Variants in SHOC2 observed in about 807,000 individuals in gnomAD.
The protein encoded by SHOC2 is SHOC2 leucine rich repeat scaffold protein.
In SHOC2, 4 loss-of-function variants were observed where a neutral mutation model predicts 50.2. The ratio of observed to expected loss-of-function variants is 0.08; its 90% confidence interval spans 0.04 to 0.18. SHOC2 has a LOEUF of 0.18. Among genes scored for constraint, SHOC2 ranks in the 10% least tolerant of loss-of-function variants. The probability of loss-of-function intolerance (pLI) is 1.00; values close to 1 mark genes in which losing one functional copy is unlikely to be tolerated. For synonymous variants in SHOC2, 218 were observed against 244.5 expected (o/e 0.89, Z 1.01); for missense variants, 388 against 669.6 (o/e 0.58, Z 4.64).
At chr10:110,970,727 ATGT>A (rs985560709) in intron 2 of SHOC2, among the ~76,000 whole-genome samples, 27 of 27,482 alleles carry the variant, frequency 9.8e-4, no homozygotes, top group Middle Eastern at 0.042. Context: ...TGTTGTGATG[ATGT>A]TTTTTTTTTT....
chr10:110,952,106 A>G (rs1300031754), intron 1 of SHOC2, among the ~76,000 whole-genome samples: 1 of 151,308 alleles, frequency 6.6e-6, no homozygotes, highest in Non-Finnish European at 1.5e-5. Context: ...CACACTAGTT[A>G]ACCTTAATTT....
intron 3 of SHOC2, among the ~76,000 whole-genome samples, chr10:110,994,913 C>A (rs1490539932): frequency 6.6e-6 from 1 of 152,106 alleles, no homozygotes; most frequent in Non-Finnish European, 1.5e-5. Flanking sequence ...TTGGGTATCC[C>A]AGAAAAATTC....
At chr10:110,978,515 A>G (rs141084984) in intron 2 of SHOC2, among the ~76,000 whole-genome samples, 7 of 152,236 alleles carry the variant, frequency 4.6e-5, no homozygotes, top group Non-Finnish European at 8.8e-5. Flanking sequence ...TTACTCTCCT[A>G]TGTTATAGCC....
chr10:110,942,660 T>C (rs548850180), intron 1 of SHOC2, among the ~76,000 whole-genome samples: 1 of 152,344 alleles, frequency 6.6e-6, no homozygotes, highest in Admixed American at 6.5e-5. Context: ...AACATCCTCT[T>C]GGTCTACTCG....
In SHOC2 at chr10:111,013,306, T is replaced by G. The variant is rs971773144; in HGVS notation, c.*1488T>G. 4 of 123,294 alleles carry G rather than the reference T, an allele frequency of 3.2e-5. No individual in the cohort carries two copies. Among genetic ancestry groups the G allele is most frequent in the South Asian group, 2.2e-4 (1 of 4,454 alleles). 7.6% of individuals were successfully genotyped at this position (123,294 alleles called of 1,614,324 possible). A position where few individuals can be genotyped will look rare whatever the true frequency, so the allele number is the denominator to read the frequency against. On this transcript the variant is annotated 3_prime_UTR_variant, in exon 9 of 9. Transcript: ENST00000369452. ...ATAATTACATATTGCTGCTTGTGTG[T>G]TTTTTTTTTTTTCCATTTAGTTGGG... is the stretch of plus-strand genomic sequence containing the variant.
At chr10:110,987,903 G>A (rs1029059085) in intron 3 of SHOC2, among the ~76,000 whole-genome samples, 3 of 151,982 alleles carry the variant, frequency 2.0e-5, no homozygotes, top group African/African-American at 7.2e-5. Context: ...ATGATCTCTA[G>A]GATAAATTAA....
At chr10:110,950,746 G>A (rs1303219216) in intron 1 of SHOC2, among the ~76,000 whole-genome samples, 2 of 152,086 alleles carry the variant, frequency 1.3e-5, no homozygotes, top group African/African-American at 4.8e-5. Flanking sequence ...AAGATGTTAA[G>A]AACACAGAAT....
At chr10:110,963,098 G>T (rs575351664) in intron 1 of SHOC2, among the ~76,000 whole-genome samples, 87 of 152,218 alleles carry the variant, frequency 5.7e-4, no homozygotes, top group Non-Finnish European at 1.1e-3. Context: ...CAGGTAAGAA[G>T]TTATTTTATC....
chr10:110,932,740 T>C (rs1846919233), intron 1 of SHOC2, among the ~76,000 whole-genome samples: 2 of 152,184 alleles, frequency 1.3e-5, no homozygotes, highest in Admixed American at 1.3e-4. Context: ...TTACTCGACT[T>C]TTTTCTTGCT....
intron 1 of SHOC2, among the ~76,000 whole-genome samples, chr10:110,936,094 GA>G (rs1244367779): frequency 1.4e-5 from 2 of 143,916 alleles, no homozygotes; most frequent in Admixed American, 6.9e-5. Flanking sequence ...TTGCTTCACT[GA>G]TTTTTTTTTT....
chr10:110,935,104 T>A (rs966786694), intron 1 of SHOC2, among the ~76,000 whole-genome samples: 5 of 152,228 alleles, frequency 3.3e-5, no homozygotes, highest in Admixed American at 2.0e-4. Context: ...TGTTCTACAG[T>A]TCACTTTTTC....
chr10:110,971,923 T>A (rs1263377972), intron 2 of SHOC2, among the ~76,000 whole-genome samples: 1 of 151,816 alleles, frequency 6.6e-6, no homozygotes, highest in African/African-American at 2.4e-5. Flanking sequence ...GTGTATATAA[T>A]TAATATCTAT....
chr10:110,942,722 C>T (rs1436793026), intron 1 of SHOC2, among the ~76,000 whole-genome samples: 1 of 152,182 alleles, frequency 6.6e-6, no homozygotes, highest in Non-Finnish European at 1.5e-5. Context: ...CATTTCAACC[C>T]AAAGTACTCA....
In SHOC2 at chr10:111,010,352, G is replaced by T. The variant is rs373448734; in HGVS notation, c.1540+522G>T. ...TTTATAAAGAGAATTACTTGATTAA[G>T]GTAATTAAATGTTAGCTTTTAAATT... On this transcript the variant is annotated intron_variant, in intron 8 of 8. Transcript: ENST00000369452. 1.3e-4 allele frequency among the ~76,000 whole-genome samples: 19 copies of T among 151,290 alleles called. No individual in the cohort carries two copies. The South Asian group carries it at 2.3e-3, about 18-fold the overall frequency.
At position 110,964,932 on chromosome 10, in the gene SHOC2, G is replaced by C; in HGVS notation, c.574G>C (p.Asp192His). Residue 192 changes from aspartate to histidine, a missense_variant, in exon 2 of 9, where the codon GAT becomes CAT. Coordinates refer to ENST00000369452, the MANE Select transcript of SHOC2 (RefSeq NM_007373.4). The surrounding 1 kb of genome is among the most constrained non-coding windows in gnomAD (Gnocchi z 4.9). ...AATTCCTTCAGTGGTGTATAGGCTG[G>C]ATTCTCTCACCACTCTTTACCTTCG... ...REIPSVVYRLDSLTTLYLRFN... is the reference protein window; with the variant it reads ...REIPSVVYRLHSLTTLYLRFN... The C allele has an allele frequency of 1.2e-6, 2 of 1,613,732 alleles. No individual in the cohort carries two copies. The highest frequency in any genetic ancestry group is 8.5e-7 in the Non-Finnish European group (1 of 1,179,928).
intron 1 of SHOC2, among the ~76,000 whole-genome samples, chr10:110,960,963 C>G (rs1564713235): frequency 6.6e-6 from 1 of 152,120 alleles, no homozygotes; most frequent in Non-Finnish European, 1.5e-5. Flanking sequence ...AGACGTGAAC[C>G]ACCACGCCTG....
chr10:110,936,095 A>AT (rs11422342), intron 1 of SHOC2, among the ~76,000 whole-genome samples: 21,511 of 129,854 alleles, frequency 0.17, 2,058 homozygotes, highest in Middle Eastern at 0.2. Context: ...TGCTTCACTG[A>AT]TTTTTTTTTT....
chr10:110,960,849 T>C (rs1847557423), intron 1 of SHOC2, among the ~76,000 whole-genome samples: 1 of 152,144 alleles, frequency 6.6e-6, no homozygotes, highest in Non-Finnish European at 1.5e-5. Context: ...CTAATTTTTG[T>C]ATTTTTTAGT....
At chr10:110,941,622 T>C (rs1332184630) in intron 1 of SHOC2, among the ~76,000 whole-genome samples, 2 of 152,126 alleles carry the variant, frequency 1.3e-5, no homozygotes, top group Admixed American at 1.3e-4. Flanking sequence ...GTGCCTGGCG[T>C]AATGTTGAGT....
Sources: gnomAD v4.1 joint callset for allele counts (sites outside exome capture counted in the v4.1 genomes callset) on GRCh38, gnomAD v4.1.1 for gene constraint, Gnocchi (gnomAD v3.1) non-coding constraint, MANE v1.5 for transcripts, NCBI Gene and HGNC (gene_info 2026-07-23, HGNC 2026-07-21) for gene names.